SCAP: variants seen among roughly 807,000 people sequenced by gnomAD.
The protein encoded by SCAP is SREBF chaperone.
In SCAP, 65 loss-of-function variants were observed where a neutral mutation model predicts 123.6. That is an observed-to-expected ratio of 0.53 (90% CI 0.43 to 0.65). The LOEUF (loss-of-function observed/expected upper bound fraction) is 0.65. Ranked by LOEUF, SCAP falls within the 30% of genes least tolerant of loss-of-function variation. The pLI is 0.00. For missense variants in SCAP, 1,398 were observed against 1,712.5 expected (o/e 0.82, Z 3.24); for synonymous variants, 740 against 726.3 (o/e 1.02, Z -0.30).
intron 9 of SCAP, among the ~76,000 whole-genome samples, chr3:47,423,332 A>G (rs961624646): frequency 6.6e-6 from 1 of 152,268 alleles, no homozygotes; most frequent in African/African-American, 2.4e-5. Flanking sequence ...TGAAATGGCC[A>G]GCCCCCGGGG....
intron 1 of SCAP, among the ~76,000 whole-genome samples, chr3:47,473,097 A>C (rs1396472607): frequency 6.7e-6 from 1 of 148,428 alleles, no homozygotes; most frequent in African/African-American, 2.5e-5. Flanking sequence ...AAAAAAAAAA[A>C]AACAGACTGT....
intron 1 of SCAP, among the ~76,000 whole-genome samples, chr3:47,447,820 A>G (rs1299264487): frequency 1.3e-5 from 2 of 152,048 alleles, no homozygotes; most frequent in African/African-American, 4.8e-5. Context: ...CAGCCTGGCC[A>G]ACACAGTGAA....
intron 1 of SCAP, among the ~76,000 whole-genome samples, chr3:47,445,136 C>T (rs1455380666): frequency 6.6e-6 from 1 of 151,902 alleles, no homozygotes; most frequent in Admixed American, 6.6e-5. Flanking sequence ...TTTGTCCATT[C>T]ATCAGTTGAT....
intron 2 of SCAP, among the ~76,000 whole-genome samples, chr3:47,436,331 A>G (rs953575115): frequency 2.0e-5 from 3 of 152,204 alleles, no homozygotes; most frequent in Non-Finnish European, 2.9e-5. Context: ...CTGACCTTTC[A>G]TCAAAAAGTT....
At chr3:47,459,039 A>G (rs1159830805) in intron 1 of SCAP, among the ~76,000 whole-genome samples, 4 of 152,208 alleles carry the variant, frequency 2.6e-5, no homozygotes, top group Non-Finnish European at 5.9e-5. Context: ...TCCTGACCTC[A>G]GGTGATCTGC....
At chr3:47,448,642 T>G (rs1482674169) in intron 1 of SCAP, among the ~76,000 whole-genome samples, 1 of 152,138 alleles carries the variant, frequency 6.6e-6, no homozygotes, top group Non-Finnish European at 1.5e-5. Flanking sequence ...TCTTCTGTCT[T>G]CTCCATTCTG....
intron 18 of SCAP, among the ~76,000 whole-genome samples, chr3:47,415,970 T>G (rs1055348721): frequency 4.6e-5 from 7 of 152,120 alleles, no homozygotes; most frequent in Admixed American, 4.6e-4. Context: ...CCAAGAAGCA[T>G]GGAGGGGCCT....
At chr3:47,462,753 C>CAA (rs369097240) in intron 1 of SCAP, among the ~76,000 whole-genome samples, 13 of 79,474 alleles carry the variant, frequency 1.6e-4, no homozygotes, top group South Asian at 4.1e-4. Context: ...AACTCCGTCT[C>CAA]AAAAAAAAAA....
rs1705807793 is a variant in SCAP at position 47,419,757 on chromosome 3, A to G, written c.1564-53T>C. 1 of 1,504,658 alleles carries G rather than the reference A, an allele frequency of 6.6e-7. No individual in the cohort carries two copies. Among genetic ancestry groups the G allele is most frequent in the Non-Finnish European group, 8.9e-7 (1 of 1,127,170 alleles). 93.2% of individuals were successfully genotyped at this position (1,504,658 alleles called of 1,614,324 possible). On this transcript the variant is annotated intron_variant, in intron 12 of 22. Coordinates refer to ENST00000265565, the MANE Select transcript of SCAP (RefSeq NM_012235.4). The surrounding 1 kb of genome is among the most constrained non-coding windows in gnomAD (Gnocchi z 5.0). ...GGAGGAATGGGCCCCAACCCCCAGC[A>G]GCTTCAGCCCTCATGCTGAGAGGAA... is the stretch of plus-strand genomic sequence containing the variant.
rs780993031 is a variant in SCAP at position 47,427,162 on chromosome 3, A to G, written c.732T>C (p.His244=). The change falls in exon 6 of 23, where the codon CAT becomes CAC. Residue 244 remains histidine (H), a synonymous_variant. Coordinates refer to ENST00000265565, the MANE Select transcript of SCAP (RefSeq NM_012235.4). ...YTITLVFQHY[H]AKFLGSLRAR... is the part of the protein sequence containing the mutation. ...CAGGGTACTGTCAATCTTACTTGGC[A>G]TGGTAGTGCTGGAAGACCAGGGTGA... 6.2e-7 allele frequency: 1 copy of G among 1,612,114 alleles called. No individual in the cohort carries two copies. Among genetic ancestry groups the G allele is most frequent in the African/African-American group, 1.3e-5 (1 of 74,866 alleles).
At chr3:47,418,875 G>C in intron 13 of SCAP, 32 bp from the exon 14 acceptor site, 1 of 1,480,474 alleles carries the variant, frequency 6.8e-7, no homozygotes. Flanking sequence ...CCTCAGCGGG[G>C]GGCCTCCCAG....
rs1454755140 is a variant in SCAP, at chr3:47,415,153, G to A, written c.3084C>T (p.Ser1028=). The A allele has an allele frequency of 6.2e-7, 1 of 1,612,392 alleles. No homozygotes were observed. The highest frequency in any genetic ancestry group is 1.1e-5 in the South Asian group (1 of 91,010). The change falls in exon 19 of 23, where the codon TCC becomes TCT. Residue 1028 remains serine, a synonymous_variant. Transcript: ENST00000265565. The part of the protein sequence containing the change: ...KRIVAARLNG[S]LDFFSLETHT... ...GGGTCTCCAAGGAGAAGAAATCAAG[G>A]GAACCGTTGAGCCGTGCAGCCACAA...
chr3:47,440,291 G>A (rs567876749), intron 2 of SCAP, among the ~76,000 whole-genome samples: 1 of 152,276 alleles, frequency 6.6e-6, no homozygotes, highest in East Asian at 1.9e-4. Flanking sequence ...GAAGAAGGGG[G>A]CACTGCTCTG....
In SCAP at chr3:47,420,328, G is replaced by A. The variant is rs1705835725; in HGVS notation, c.1563+226C>T. Among the ~76,000 whole-genome samples the A allele has an allele frequency of 1.3e-5, 2 of 152,200 alleles. No individual in the cohort carries two copies. The highest frequency in any genetic ancestry group is 1.3e-4 in the Admixed American group (2 of 15,280). On this transcript the variant is annotated intron_variant, in intron 12 of 22. Transcript: ENST00000265565. This position sits in a 1 kb window ranked among gnomAD's most constrained non-coding sequence, Gnocchi z 5.0. ...CCACTCTGGGGAGAGGATGGCTCCTGTACCTGAGAACCCTGGAGCTGCTTC... is the reference window on the plus strand; with the variant it reads ...CCACTCTGGGGAGAGGATGGCTCCTATACCTGAGAACCCTGGAGCTGCTTC...
chr3:47,441,882 T>TC (rs1421616448), intron 2 of SCAP, among the ~76,000 whole-genome samples: 5 of 145,180 alleles, frequency 3.4e-5, no homozygotes, highest in South Asian at 2.3e-4. Flanking sequence ...TTCTTTTTTT[T>TC]TTTTTTTTTT....
chr3:47,438,068 G>C (rs1706655236), intron 2 of SCAP, among the ~76,000 whole-genome samples: 2 of 152,176 alleles, frequency 1.3e-5, no homozygotes, highest in African/African-American at 4.8e-5. Flanking sequence ...AGAGACAGTG[G>C]TATCTCAGCA....
In SCAP at chr3:47,442,956, C is replaced by T. The variant is rs573010958; in HGVS notation, c.38G>A (p.Arg13Gln). 5.1e-5 allele frequency: 82 copies of T among 1,613,952 alleles called. No individual in the cohort carries two copies. Among genetic ancestry groups the T allele is most frequent in the South Asian group, 3.1e-4 (28 of 91,078 alleles). The change falls in exon 2 of 23, where the codon CGG becomes CAG. Residue 13 changes from arginine (R) to glutamine (Q), a missense_variant. Physicochemically the swap from Arg to Gln is conservative, Grantham distance 43. This residue lies in a region of SCAP where 319 missense variants were observed against 432.4 expected (regional missense o/e 0.74). Transcript: ENST00000265565. ...LTERLREKIS[R>Q]AFYNHGLLCA... ...GAGGAGCCCATGGTTGTAGAAGGCC[C>T]GAGATATCTTCTCACGCAGCCTTTC...
At chr3:47,441,517 A>G (rs1476078379) in intron 2 of SCAP, among the ~76,000 whole-genome samples, 1 of 151,398 alleles carries the variant, frequency 6.6e-6, no homozygotes, top group African/African-American at 2.4e-5. Flanking sequence ...AACTTAAAGG[A>G]AAAAAAAACC....
rs752122003 is a variant in SCAP at position 47,417,757 on chromosome 3, A to G, written c.2517T>C (p.Asp839=). 1 of 1,599,480 alleles carries G rather than the reference A, an allele frequency of 6.3e-7. No individual in the cohort carries two copies. Among genetic ancestry groups the G allele is most frequent in the South Asian group, 1.1e-5 (1 of 90,336 alleles). ...GCTCCTCTGGACCAGCCTTCCCACC[A>G]TCTGAAAGTCGTTCCCAGCTCTCCT... ...EAQESWERLS[D]GGKAGPEEPG... The change falls in exon 17 of 23, where the codon GAT becomes GAC. Residue 839 remains aspartate (D), a synonymous_variant. Transcript: ENST00000265565.
Sources: allele counts gnomAD v4.1 joint callset (sites outside exome capture counted in the v4.1 genomes callset), GRCh38; gene constraint gnomAD v4.1.1; regional missense constraint gnomAD v4.1.1; non-coding constraint Gnocchi (gnomAD v3.1); transcripts MANE v1.5; gene names NCBI Gene and HGNC (gene_info 2026-07-23, HGNC 2026-07-21).